The following FAM135A variants were observed in gnomAD, a reference collection of about 807,000 sequenced individuals.
FAM135A encodes family with sequence similarity 135 member A.
Under a neutral mutation model 146.8 loss-of-function variants are expected in FAM135A, and 79 were observed. The observed-to-expected ratio is 0.54, with a 90% confidence interval of 0.45 to 0.65. The LOEUF is 0.65. FAM135A is among the 30% of genes least tolerant of loss of function. The probability of loss-of-function intolerance (pLI) is 0.00; values close to 1 mark genes in which losing one functional copy is unlikely to be tolerated. For missense variants in FAM135A, 1,623 were observed against 1,758.2 expected, an observed-to-expected ratio of 0.92 and a Z score of 1.38; for synonymous variants, 562 against 603.6, an observed-to-expected ratio of 0.93 and a Z score of 1.01.
At chr6:70,480,302 C>T (rs1783461957) in intron 8 of FAM135A, among the ~76,000 whole-genome samples, 1 of 152,034 alleles carries the variant, frequency 6.6e-6, no homozygotes, top group Non-Finnish European at 1.5e-5. Flanking sequence ...CAAGACCTCA[C>T]CTCTACAAAA....
At position 70,524,577 on chromosome 6, in the gene FAM135A, T is replaced by C. The variant is rs1448521638; in HGVS notation, c.1493T>C (p.Met498Thr). 3 of 1,542,824 alleles carry C rather than the reference T, an allele frequency of 1.9e-6. No individual in the cohort carries two copies. Among genetic ancestry groups the C allele is most frequent in the Non-Finnish European group, 2.6e-6 (3 of 1,144,772 alleles). ...NKSKVKVTKLMKTMKSENTKK... is the reference protein window; with the variant it reads ...NKSKVKVTKLTKTMKSENTKK... ...TCCAAAGTTAAGGTTACTAAGCTTA[T>C]GAAAACAATGAAATCTGAAAACACA... is the stretch of plus-strand genomic sequence containing the variant. Residue 498 changes from methionine to threonine, a missense_variant, in exon 15 of 22, where the codon ATG (methionine) becomes ACG (threonine). Around this residue, in one of 7 missense-constraint regions of FAM135A, gnomAD observed 1,061 missense variants for 1,113.8 expected, o/e 0.95. Coordinates refer to ENST00000418814, the MANE Select transcript of FAM135A (RefSeq NM_001162529.3).
chr6:70,443,970 T>G (rs1237153500), intron 4 of FAM135A, among the ~76,000 whole-genome samples: 1 of 152,244 alleles, frequency 6.6e-6, no homozygotes, highest in East Asian at 1.9e-4. Flanking sequence ...ATACTTTATC[T>G]GACATTGTCT....
chr6:70,457,837 A>C (rs1441573106), intron 5 of FAM135A, among the ~76,000 whole-genome samples: 1 of 151,946 alleles, frequency 6.6e-6, no homozygotes, highest in East Asian at 1.9e-4. Flanking sequence ...ATGCCCAAAT[A>C]GAGTACCTTC....
At chr6:70,428,111 TA>T (rs1459760958) in intron 3 of FAM135A, among the ~76,000 whole-genome samples, 192 bp from the exon 4 acceptor site, 3 of 152,326 alleles carry the variant, frequency 2.0e-5, no homozygotes, top group Admixed American at 2.0e-4. Context: ...TCTTAAATTA[TA>T]GAGAGTAGTG....
chr6:70,428,502 G>C, intron 4 of FAM135A, 83 bp downstream of exon 4: 1 of 843,792 alleles, frequency 1.2e-6, no homozygotes, highest in South Asian at 2.4e-5. Context: ...TTTTATTCCA[G>C]CATATATAAG....
At chr6:70,439,823 A>G (rs563618476) in intron 4 of FAM135A, among the ~76,000 whole-genome samples, 18 of 152,322 alleles carry the variant, frequency 1.2e-4, no homozygotes, top group Non-Finnish European at 2.2e-4. Context: ...ACATAAAAGT[A>G]TAGTAAGCAC....
intron 20 of FAM135A, among the ~76,000 whole-genome samples, chr6:70,542,744 C>T (rs181438966): frequency 2.0e-5 from 3 of 152,252 alleles, no homozygotes; most frequent in Admixed American, 1.3e-4. Context: ...CTAGACATCT[C>T]AATTTACATA....
At chr6:70,460,996 G>A (rs1779335076) in intron 5 of FAM135A, among the ~76,000 whole-genome samples, 1 of 151,588 alleles carries the variant, frequency 6.6e-6, no homozygotes, top group African/African-American at 2.4e-5. Flanking sequence ...ACTGATTTTT[G>A]TATTTTTAGT....
intron 11 of FAM135A, among the ~76,000 whole-genome samples, chr6:70,502,319 G>T (rs1359081047): frequency 6.6e-6 from 1 of 152,116 alleles, no homozygotes; most frequent in Admixed American, 6.5e-5. Context: ...CAGTATTTTG[G>T]TGTTAGAAGC....
At chr6:70,452,184 C>T (rs1047580301) in intron 4 of FAM135A, among the ~76,000 whole-genome samples, 3 of 151,986 alleles carry the variant, frequency 2.0e-5, no homozygotes, top group Non-Finnish European at 2.9e-5. Context: ...CCAAATGAAA[C>T]AATGAAGTTC....
intron 10 of FAM135A, among the ~76,000 whole-genome samples, chr6:70,485,903 CTG>C (rs1264447034): frequency 6.6e-6 from 1 of 152,194 alleles, no homozygotes. Context: ...GGAGTTAACT[CTG>C]AGATCCCTGC....
intron 5 of FAM135A, among the ~76,000 whole-genome samples, chr6:70,462,643 A>G (rs1779646526): frequency 1.3e-5 from 2 of 151,852 alleles, no homozygotes; most frequent in South Asian, 2.1e-4. Flanking sequence ...AAAAAAATGC[A>G]GCTATTGGTA....
intron 12 of FAM135A, among the ~76,000 whole-genome samples, chr6:70,519,819 A>G (rs1259659932): frequency 6.6e-6 from 1 of 152,326 alleles, no homozygotes; most frequent in East Asian, 1.9e-4. Flanking sequence ...CTTTATTGCA[A>G]TATTCACCTT....
chr6:70,544,983 G>A (rs187476971), intron 20 of FAM135A, among the ~76,000 whole-genome samples: 63 of 151,536 alleles, frequency 4.2e-4, no homozygotes, highest in South Asian at 1.3e-3. Flanking sequence ...CCCAGGAGGC[G>A]TAGGATGCAG....
intron 5 of FAM135A, among the ~76,000 whole-genome samples, chr6:70,470,284 C>T (rs1467398329): frequency 1.3e-5 from 2 of 152,202 alleles, no homozygotes; most frequent in Non-Finnish European, 2.9e-5. Flanking sequence ...AATTTAGCTG[C>T]ATGCCTCTGA....
intron 5 of FAM135A, 144 bp downstream of exon 5, chr6:70,452,715 C>T (rs1777397415): frequency 3.7e-6 from 2 of 547,500 alleles, no homozygotes; most frequent in Non-Finnish European, 3.1e-6. Context: ...TTTGGGGACT[C>T]AGTGAAACAG....
At chr6:70,533,697 G>T in intron 17 of FAM135A, 60 bp from the exon 18 acceptor site, 1 of 1,010,316 alleles carries the variant, frequency 9.9e-7, no homozygotes, top group Non-Finnish European at 1.5e-6. Flanking sequence ...TATATTGTTA[G>T]TTTTTCATGT....
Position 70,482,114 on chromosome 6 carries a change from A to G in FAM135A, c.783A>G (p.Thr261=), listed in dbSNP as rs748268144. 4.3e-6 allele frequency: 7 copies of G among 1,613,708 alleles called. No homozygotes were observed. The highest frequency in any genetic ancestry group is 1.7e-5 in the Admixed American group (1 of 59,970). The change falls in exon 10 of 22, where the codon ACA becomes ACG. Residue 261 remains threonine, a synonymous_variant. Coordinates refer to ENST00000418814, the MANE Select transcript of FAM135A (RefSeq NM_001162529.3). ...AGGGATTGCACAGCTACTTCATTAC[A>G]GTAACAGAAGAGATTCCTTCTTGTC... ...AFKGLHSYFI[T]VTEEIPSCQK...
intron 4 of FAM135A, among the ~76,000 whole-genome samples, chr6:70,443,048 A>T (rs951255472): frequency 2.0e-5 from 3 of 152,168 alleles, no homozygotes; most frequent in African/African-American, 7.2e-5. Flanking sequence ...TATCTTTGGG[A>T]TATCTTCTGA....
Sources: gnomAD v4.1 joint callset for allele counts (sites outside exome capture counted in the v4.1 genomes callset) on GRCh38, gnomAD v4.1.1 for gene constraint, gnomAD v4.1.1 regional missense constraint, MANE v1.5 for transcripts, NCBI Gene and HGNC (gene_info 2026-07-23, HGNC 2026-07-21) for gene names.